PBX3: variants seen among roughly 807,000 people sequenced by gnomAD.
PBX3 encodes PBX homeobox 3.
Under a neutral mutation model 48.5 loss-of-function variants are expected in PBX3, and 14 were observed. The ratio of observed to expected loss-of-function variants is 0.29; its 90% CI spans 0.19 to 0.45. The LOEUF is 0.45. PBX3 is among the 20% of genes least tolerant of loss of function. The probability of loss-of-function intolerance (pLI) is 1.00; values close to 1 mark genes in which losing one functional copy is unlikely to be tolerated. For missense variants in PBX3, 386 were observed against 546.7 expected (o/e 0.71, Z 2.93); for synonymous variants, 210 against 200.3 (o/e 1.05, Z -0.41).
chr9:125,760,533 C>T (rs1389155537), intron 2 of PBX3, among the ~76,000 whole-genome samples: 1 of 151,998 alleles, frequency 6.6e-6, no homozygotes, highest in East Asian at 1.9e-4. Context: ...TTGTATACCA[C>T]TATTAGAATT....
intron 2 of PBX3, among the ~76,000 whole-genome samples, chr9:125,900,583 C>G (rs1166672125): frequency 2.6e-5 from 4 of 151,694 alleles, no homozygotes; most frequent in African/African-American, 7.3e-5. Flanking sequence ...AAACTGCTGA[C>G]GTTCAGCTCA....
chr9:125,858,077 A>C (rs1290236418), intron 2 of PBX3, among the ~76,000 whole-genome samples: 1 of 152,226 alleles, frequency 6.6e-6, no homozygotes, highest in African/African-American at 2.4e-5. Flanking sequence ...CATTAACAGC[A>C]TTAAGGCTGG....
At chr9:125,793,366 A>AAAAAAATATATATATATATATATATAT (rs59271982) in intron 2 of PBX3, among the ~76,000 whole-genome samples, 4 of 101,972 alleles carry the variant, frequency 3.9e-5, no homozygotes, top group African/African-American at 1.7e-4. Flanking sequence ...GGAAAAAAAA[A>AAAAAAATATATATATATATATATATAT]ATATATATAT....
At chr9:125,895,710 T>A (rs1368965035) in intron 2 of PBX3, among the ~76,000 whole-genome samples, 1 of 152,012 alleles carries the variant, frequency 6.6e-6, no homozygotes, top group Non-Finnish European at 1.5e-5. Context: ...TTTGAAATTT[T>A]ATTACTTTTC....
intron 2 of PBX3, among the ~76,000 whole-genome samples, chr9:125,808,959 A>G (rs1205116805): frequency 6.6e-6 from 1 of 152,148 alleles, no homozygotes; most frequent in African/African-American, 2.4e-5. Flanking sequence ...TGTCCTTAGG[A>G]ACACCAGACA....
At chr9:125,766,140 C>G (rs1363474258) in intron 2 of PBX3, among the ~76,000 whole-genome samples, 1 of 151,972 alleles carries the variant, frequency 6.6e-6, no homozygotes. Flanking sequence ...ACAGAATCTG[C>G]TCAGTAACAT....
intron 1 of PBX3, chr9:125,748,124 T>G (rs952072915): frequency 1.3e-4 from 72 of 546,392 alleles, no homozygotes; most frequent in Non-Finnish European, 1.6e-4. Context: ...GACGGCCAAG[T>G]TCTCGGAGAG....
chr9:125,806,774 G>C (rs1384289328), intron 2 of PBX3, among the ~76,000 whole-genome samples: 1 of 152,192 alleles, frequency 6.6e-6, no homozygotes. Context: ...AGAATGAGAT[G>C]AGCATTCATG....
chr9:125,847,746 A>G (rs1432157984), intron 2 of PBX3, among the ~76,000 whole-genome samples: 4 of 151,030 alleles, frequency 2.6e-5, no homozygotes, highest in Non-Finnish European at 1.5e-5. Context: ...CTGTGTTTCA[A>G]ATGAGCAAAA....
At chr9:125,811,164 G>A (rs1435801067) in intron 2 of PBX3, among the ~76,000 whole-genome samples, 4 of 152,166 alleles carry the variant, frequency 2.6e-5, no homozygotes, top group African/African-American at 4.8e-5. Context: ...TAGCTTCTCC[G>A]TTAGCCTGTA....
chr9:125,768,970 AT>A (rs913811394), intron 2 of PBX3, among the ~76,000 whole-genome samples: 3 of 151,890 alleles, frequency 2.0e-5, no homozygotes, highest in South Asian at 4.2e-4. Flanking sequence ...TAATTTGTTA[AT>A]TTTTTTTTAA....
At chr9:125,951,360 C>T (rs1842192355) in intron 5 of PBX3, among the ~76,000 whole-genome samples, 1 of 152,132 alleles carries the variant, frequency 6.6e-6, no homozygotes, top group Non-Finnish European at 1.5e-5. Context: ...GAATTTTATT[C>T]TGGTCAGGTA....
intron 2 of PBX3, among the ~76,000 whole-genome samples, chr9:125,752,823 C>T (rs1292078576): frequency 1.3e-5 from 2 of 152,150 alleles, no homozygotes; most frequent in African/African-American, 2.4e-5. Context: ...TTTTAAGTTG[C>T]TCTTGCACTA....
intron 2 of PBX3, among the ~76,000 whole-genome samples, chr9:125,845,295 G>C (rs1839399577): frequency 6.6e-6 from 1 of 152,036 alleles, no homozygotes; most frequent in Non-Finnish European, 1.5e-5. Context: ...CAGCAATTTA[G>C]CTTGGCTTTG....
intron 5 of PBX3, among the ~76,000 whole-genome samples, chr9:125,938,658 C>T (rs896508677): frequency 2.0e-5 from 3 of 151,994 alleles, no homozygotes; most frequent in African/African-American, 7.2e-5. Flanking sequence ...AAGACAAAAG[C>T]GGGGAAGGAG....
At chr9:125,787,180 C>T (rs947235618) in intron 2 of PBX3, among the ~76,000 whole-genome samples, 1 of 152,130 alleles carries the variant, frequency 6.6e-6, no homozygotes, top group African/African-American at 2.4e-5. Context: ...GCTTGGACTG[C>T]AGGTGTACAC....
intron 2 of PBX3, among the ~76,000 whole-genome samples, chr9:125,906,639 T>C (rs1349092705): frequency 1.3e-5 from 2 of 152,042 alleles, no homozygotes; most frequent in Admixed American, 1.3e-4. Context: ...GTATATATGG[T>C]ATTTTAATTC....
At chr9:125,888,482 G>A (rs1409739634) in intron 2 of PBX3, among the ~76,000 whole-genome samples, 2 of 152,026 alleles carry the variant, frequency 1.3e-5, no homozygotes, top group Non-Finnish European at 2.9e-5. Flanking sequence ...GAGAGGAGAG[G>A]CGGCATACAT....
At chr9:125,875,632 C>T (rs891227480) in intron 2 of PBX3, among the ~76,000 whole-genome samples, 1 of 152,074 alleles carries the variant, frequency 6.6e-6, no homozygotes, top group Non-Finnish European at 1.5e-5. Context: ...GGTTCTAGTT[C>T]TTGGTTCAAT....
Sources: gnomAD v4.1 joint callset for allele counts (sites outside exome capture counted in the v4.1 genomes callset) on GRCh38, gnomAD v4.1.1 for gene constraint, MANE v1.5 for transcripts, NCBI Gene and HGNC (gene_info 2026-07-23, HGNC 2026-07-21) for gene names.